The following ADAMTS19 variants were observed in gnomAD, a reference collection of about 807,000 sequenced individuals.
The protein encoded by ADAMTS19 is ADAM metallopeptidase with thrombospondin type 1 motif 19.
In ADAMTS19, 93 loss-of-function variants were observed where a neutral mutation model predicts 153.3. The ratio of observed to expected loss-of-function variants is 0.61; its 90% confidence interval spans 0.51 to 0.72. The LOEUF (loss-of-function observed/expected upper bound fraction) is 0.72. ADAMTS19 is among the 30% of genes least tolerant of loss of function. The pLI is 0.00. For missense variants in ADAMTS19, 1,482 were observed against 1,552.1 expected, an observed-to-expected ratio of 0.95 and a Z score of 0.76; for synonymous variants, 600 against 556.6, an observed-to-expected ratio of 1.08 and a Z score of -1.10.
intron 7 of ADAMTS19, among the ~76,000 whole-genome samples, chr5:129,572,171 C>T (rs549005914): frequency 6.6e-6 from 1 of 151,966 alleles, no homozygotes; most frequent in African/African-American, 2.4e-5. Flanking sequence ...AACAAAAGTA[C>T]TTTGTTCTGT....
chr5:129,466,139 G>C (rs1293255078), intron 2 of ADAMTS19, among the ~76,000 whole-genome samples: 2 of 152,178 alleles, frequency 1.3e-5, no homozygotes, highest in African/African-American at 2.4e-5. Context: ...AGCTTACCCA[G>C]GCCTGTGGGT....
rs913792483 is a variant in ADAMTS19 at position 129,576,144 on chromosome 5, A to C, written c.1373-20415A>C. On this transcript the variant is annotated intron_variant, in intron 7 of 22. Transcript: ENST00000274487. ...CAGCAGAAACAAACCCTATTTTGGA[A>C]TGTGTTCTTTACTATGACATCCTTC... Among the ~76,000 whole-genome samples the C allele has an allele frequency of 2.0e-5, 3 of 152,080 alleles. No homozygotes were observed. In the East Asian group the frequency reaches 5.8e-4, roughly 29 times the overall value.
intron 6 of ADAMTS19, among the ~76,000 whole-genome samples, chr5:129,536,925 G>C (rs1752455449): frequency 1.3e-5 from 2 of 150,440 alleles, no homozygotes; most frequent in African/African-American, 2.5e-5. Flanking sequence ...GGCGGGTCGG[G>C]GGAGGGATAG....
chr5:129,571,599 C>T (rs1055343559), intron 7 of ADAMTS19, among the ~76,000 whole-genome samples: 1 of 151,620 alleles, frequency 6.6e-6, no homozygotes, highest in Non-Finnish European at 1.5e-5. Context: ...TACCACTTCT[C>T]AGACTGATCT....
intron 3 of ADAMTS19, among the ~76,000 whole-genome samples, chr5:129,513,599 A>G (rs1751505631): frequency 6.6e-6 from 1 of 152,038 alleles, no homozygotes; most frequent in African/African-American, 2.4e-5. Context: ...GTTTTCTATA[A>G]TCCTTTGAGG....
rs1752888533 is a variant in ADAMTS19, at chr5:129,547,120, T to A, written c.1329-4744T>A. 2.7e-5 allele frequency among the ~76,000 whole-genome samples: 4 copies of A among 150,678 alleles called. No homozygotes were observed. The South Asian group carries it at 8.3e-4, about 31-fold the overall frequency. ...TGTGCAGATGTGATTGTATTAAGGA[T>A]CTTGAGGGGGCGAGATTATCCTGGT... On this transcript the variant is annotated intron_variant, in intron 6 of 22. Coordinates refer to ENST00000274487, the MANE Select transcript of ADAMTS19 (RefSeq NM_133638.6).
intron 18 of ADAMTS19, among the ~76,000 whole-genome samples, chr5:129,688,916 C>G (rs935178830): frequency 2.0e-5 from 3 of 152,162 alleles, no homozygotes; most frequent in African/African-American, 7.2e-5. Flanking sequence ...AAGTGTGGAT[C>G]AGTTTGCTAC....
At chr5:129,522,328 C>CATATATATAT (rs1302441781) in intron 3 of ADAMTS19, among the ~76,000 whole-genome samples, 11 of 88,184 alleles carry the variant, frequency 1.2e-4, no homozygotes, top group African/African-American at 6.3e-4. Context: ...CACACACACA[C>CATATATATAT]ACACATATAT....
chr5:129,603,048 T>TG (rs1280334688), intron 8 of ADAMTS19, among the ~76,000 whole-genome samples: 1 of 151,600 alleles, frequency 6.6e-6, no homozygotes, highest in Non-Finnish European at 1.5e-5. Context: ...AGTCTTGACG[T>TG]GAAAAAAAAA....
intron 21 of ADAMTS19, among the ~76,000 whole-genome samples, chr5:129,727,298 T>C (rs1757246669): frequency 6.6e-6 from 1 of 152,200 alleles, no homozygotes; most frequent in Admixed American, 6.5e-5. Context: ...ATTTCACAAA[T>C]GTCCTGATAT....
At chr5:129,641,696 CT>C (rs1752793028) in intron 10 of ADAMTS19, among the ~76,000 whole-genome samples, 162 bp from the exon 11 acceptor site, 1 of 151,682 alleles carries the variant, frequency 6.6e-6, no homozygotes, top group African/African-American at 2.4e-5. Context: ...TAAATGAGCC[CT>C]ATACTATTTC....
intron 16 of ADAMTS19, 137 bp downstream of exon 16, chr5:129,665,716 A>C: frequency 2.8e-5 from 17 of 616,216 alleles, no homozygotes; most frequent in Non-Finnish European, 3.4e-5. Context: ...TTGTCATATC[A>C]AGTAGGAAAA....
chr5:129,631,885 TTA>T (rs1752315093), intron 10 of ADAMTS19, among the ~76,000 whole-genome samples: 1 of 152,070 alleles, frequency 6.6e-6, no homozygotes, highest in South Asian at 2.1e-4. Flanking sequence ...ATTTTATAAT[TTA>T]TTTTTTAACT....
chr5:129,702,942 ATATATATATATATATAT>A lies in ADAMTS19; in HGVS notation c.3160-1296_3160-1280del, dbSNP rs1484238663. On this transcript the variant is annotated intron_variant, in intron 20 of 22. Transcript: ENST00000274487. ...AGTTTGACTTGCCAAAAAAAAAAAA[ATATATATATATATATAT>A]ATATATATATATACAAATACATATA... 2.5e-4 allele frequency among the ~76,000 whole-genome samples: 5 copies of A among 19,844 alleles called. 1 individual carries two copies. The East Asian group carries it at 7.7e-3, about 30-fold the overall frequency. The allele number at this position is 19,844 out of a possible 152,430, so 13.0% of individuals were successfully genotyped here.
intron 3 of ADAMTS19, among the ~76,000 whole-genome samples, chr5:129,515,221 T>C (rs1298831359): frequency 6.6e-6 from 1 of 151,934 alleles, no homozygotes; most frequent in Non-Finnish European, 1.5e-5. Context: ...GTCAGGTAAT[T>C]TGATTCCCCC....
At chr5:129,538,308 A>G (rs1752530971) in intron 6 of ADAMTS19, among the ~76,000 whole-genome samples, 1 of 152,142 alleles carries the variant, frequency 6.6e-6, no homozygotes, top group Non-Finnish European at 1.5e-5. Context: ...TTATGTATGC[A>G]TATAATTAAA....
intron 14 of ADAMTS19, among the ~76,000 whole-genome samples, chr5:129,658,347 A>AAGAAAGAAAGAGAGAGAGAGAGAGAGAG (rs1753665821): frequency 6.9e-5 from 8 of 116,052 alleles, no homozygotes; most frequent in African/African-American, 2.9e-4. Flanking sequence ...GAAAGAAAGA[A>AAGAAAGAAAGAGAGAGAGAGAGAGAGAG]AGAAAGAAAG....
chr5:129,582,965 G>C (rs903683832), intron 7 of ADAMTS19, among the ~76,000 whole-genome samples: 6 of 152,066 alleles, frequency 3.9e-5, no homozygotes, highest in Non-Finnish European at 7.4e-5. Context: ...ATGCTAGTTG[G>C]TTATTTTGCC....
At chr5:129,577,645 G>A (rs541418008) in intron 7 of ADAMTS19, among the ~76,000 whole-genome samples, 1 of 152,240 alleles carries the variant, frequency 6.6e-6, no homozygotes. Context: ...ATGTAACGAT[G>A]CTTGCTCACA....
Sources: gnomAD v4.1 joint callset for allele counts (sites outside exome capture counted in the v4.1 genomes callset) on GRCh38, gnomAD v4.1.1 for gene constraint, MANE v1.5 for transcripts, NCBI Gene and HGNC (gene_info 2026-07-23, HGNC 2026-07-21) for gene names.